ATP6V0A4: variants seen among roughly 807,000 people sequenced by gnomAD.
ATP6V0A4 encodes the protein V-type proton ATPase 116 kDa subunit a 4.
Under a neutral mutation model 107.3 loss-of-function variants are expected in ATP6V0A4, and 86 were observed. The ratio of observed to expected loss-of-function variants is 0.80; its 90% CI spans 0.67 to 0.96. The LOEUF (loss-of-function observed/expected upper bound fraction) is 0.96, where lower values mean the gene tolerates loss of function less well. Among genes scored for constraint, ATP6V0A4 ranks in the 40% least tolerant of loss-of-function variants. ATP6V0A4 has a pLI of 0.00. For missense variants in ATP6V0A4, 908 were observed against 1,045.6 expected (o/e 0.87, Z 1.81); for synonymous variants, 353 against 381.4 (o/e 0.93, Z 0.87).
At chr7:138,724,025 CAAAAA>C (rs202234657) in intron 18 of ATP6V0A4, among the ~76,000 whole-genome samples, 5 of 131,736 alleles carry the variant, frequency 3.8e-5, no homozygotes, top group Admixed American at 7.7e-5. Flanking sequence ...TCCCATCTCT[CAAAAA>C]AAAAAAAAAA....
intron 12 of ATP6V0A4, among the ~76,000 whole-genome samples, chr7:138,748,483 T>C (rs1806067668): frequency 6.6e-6 from 1 of 152,202 alleles, no homozygotes; most frequent in South Asian, 2.1e-4. Context: ...CTCAGCTCAC[T>C]GCAATCTCCG....
intron 2 of ATP6V0A4, among the ~76,000 whole-genome samples, chr7:138,772,725 G>A (rs897072667): frequency 2.0e-5 from 3 of 152,312 alleles, no homozygotes; most frequent in Middle Eastern, 3.4e-3. Flanking sequence ...CGTAGCCAGG[G>A]AACGGAGCCC....
chr7:138,735,071 G>C (rs1320183660), intron 15 of ATP6V0A4, among the ~76,000 whole-genome samples: 1 of 152,136 alleles, frequency 6.6e-6, no homozygotes, highest in African/African-American at 2.4e-5. Flanking sequence ...GCCAGGTGGG[G>C]ATCATGTGTA....
At chr7:138,782,037 C>G (rs1807951798) in intron 2 of ATP6V0A4, among the ~76,000 whole-genome samples, 2 of 152,078 alleles carry the variant, frequency 1.3e-5, no homozygotes, top group African/African-American at 4.8e-5. Flanking sequence ...CAACCACTAG[C>G]CTGGGGACCG....
At chr7:138,745,976 T>C (rs1218413785) in intron 13 of ATP6V0A4, among the ~76,000 whole-genome samples, 2 of 124,182 alleles carry the variant, frequency 1.6e-5, no homozygotes, top group Non-Finnish European at 3.2e-5. Context: ...TATATATATA[T>C]ATAAAATATA....
intron 19 of ATP6V0A4, among the ~76,000 whole-genome samples, chr7:138,719,009 AC>A: frequency 6.6e-6 from 1 of 152,062 alleles, no homozygotes; most frequent in African/African-American, 2.4e-5. Context: ...ACAAAGTGAG[AC>A]CCCATCTTTA....
rs1377256133 is a variant in ATP6V0A4 at position 138,786,162 on chromosome 7, G to A, written c.-22C>T. ...CTCTTCTCCACCTCAGCGTACCTTGGCTGTGTCTCTCTCTCTTCTTCTCTT... is the reference window on the plus strand; with the variant it reads ...CTCTTCTCCACCTCAGCGTACCTTGACTGTGTCTCTCTCTCTTCTTCTCTT... On this transcript the variant is annotated 5_prime_UTR_variant, in exon 2 of 22. Transcript: ENST00000310018. 6.6e-6 allele frequency: 1 copy of A among 152,456 alleles called. No individual in the cohort carries two copies. The highest frequency in any genetic ancestry group is 6.5e-5 in the Admixed American group (1 of 15,276). The allele number at this position is 152,456 out of a possible 1,614,324, so 9.4% of individuals were successfully genotyped here. A position where few individuals can be genotyped will look rare whatever the true frequency, so the allele number is the denominator to read the frequency against.
At chr7:138,710,201 T>G (rs1019150782) in intron 20 of ATP6V0A4, among the ~76,000 whole-genome samples, 1 of 151,036 alleles carries the variant, frequency 6.6e-6, no homozygotes, top group African/African-American at 2.4e-5. Flanking sequence ...AATTTTTTTT[T>G]TTTTTTCGAG....
intron 15 of ATP6V0A4, among the ~76,000 whole-genome samples, chr7:138,738,691 A>G (rs1054846434): frequency 1.3e-5 from 2 of 152,196 alleles, no homozygotes; most frequent in Admixed American, 1.3e-4. Context: ...GAGGCGGGCG[A>G]TAGCGGAATG....
chr7:138,745,925 C>T (rs1280526619), intron 13 of ATP6V0A4, among the ~76,000 whole-genome samples: 773 of 45,758 alleles, frequency 0.017, 14 homozygotes, highest in African/African-American at 0.044. Flanking sequence ...GCCTGGGTGA[C>T]AGAGCAAGAC....
intron 17 of ATP6V0A4, among the ~76,000 whole-genome samples, chr7:138,730,268 T>C (rs375839368): frequency 1.3e-5 from 2 of 151,932 alleles, no homozygotes; most frequent in African/African-American, 4.8e-5. Context: ...CCGCACACAA[T>C]GCTGTCTCAT....
intron 2 of ATP6V0A4, among the ~76,000 whole-genome samples, chr7:138,779,688 G>A (rs1319989694): frequency 6.6e-6 from 1 of 152,166 alleles, no homozygotes; most frequent in African/African-American, 2.4e-5. Context: ...CCCCAGAAGA[G>A]GAGGTAAACT....
chr7:138,766,216 TTTTG>T (rs1233533831), intron 5 of ATP6V0A4, among the ~76,000 whole-genome samples: 2 of 85,104 alleles, frequency 2.4e-5, no homozygotes, highest in Admixed American at 1.0e-4. Context: ...TTTTTTTTTT[TTTTG>T]GAAACACAGT....
intron 15 of ATP6V0A4, among the ~76,000 whole-genome samples, chr7:138,738,297 T>C (rs1805448484): frequency 6.6e-6 from 1 of 152,102 alleles, no homozygotes; most frequent in South Asian, 2.1e-4. Flanking sequence ...GATCACTCAG[T>C]TCTGCAATGT....
chr7:138,738,049 A>G (rs1805437340), intron 15 of ATP6V0A4, among the ~76,000 whole-genome samples: 1 of 152,186 alleles, frequency 6.6e-6, no homozygotes, highest in Non-Finnish European at 1.5e-5. Context: ...GGCATGAGCC[A>G]CCACATCTGG....
chr7:138,733,267 T>C (rs1274635201), intron 16 of ATP6V0A4, 174 bp from the exon 17 acceptor site: 2 of 566,522 alleles, frequency 3.5e-6, no homozygotes, highest in African/African-American at 2.8e-5. Flanking sequence ...TATGGATGCA[T>C]AGAAAAGAAA....
intron 17 of ATP6V0A4, among the ~76,000 whole-genome samples, chr7:138,731,025 T>C (rs2883293): frequency 0.66 from 98,659 of 150,504 alleles, 33,530 homozygotes; most frequent in East Asian, 0.81. Flanking sequence ...CCTCTGCCTC[T>C]CAGGTTCAAG....
intron 2 of ATP6V0A4, among the ~76,000 whole-genome samples, chr7:138,778,816 C>A (rs1310784853): frequency 6.6e-6 from 1 of 152,042 alleles, no homozygotes; most frequent in Non-Finnish European, 1.5e-5. Context: ...CCCTTGTTTG[C>A]CCCTGTTGGG....
intron 20 of ATP6V0A4, among the ~76,000 whole-genome samples, chr7:138,711,950 C>T (rs1017573169): frequency 3.9e-5 from 6 of 152,026 alleles, no homozygotes; most frequent in Middle Eastern, 3.4e-3. Flanking sequence ...TTTCCTTTTT[C>T]GAGACAGAGT....
Sources: allele counts gnomAD v4.1 joint callset (sites outside exome capture counted in the v4.1 genomes callset), GRCh38; gene constraint gnomAD v4.1.1; transcripts MANE v1.5; gene names NCBI Gene and HGNC (gene_info 2026-07-23, HGNC 2026-07-21).